The following LDLRAD4 variants were observed in gnomAD, a reference collection of about 807,000 sequenced individuals.
LDLRAD4 encodes low density lipoprotein receptor class A domain containing 4, also known as low-density lipoprotein receptor class A domain-containing protein 4.
A neutral mutation model predicts 17.0 loss-of-function variants in LDLRAD4; 5 were observed. The ratio of observed to expected loss-of-function variants is 0.29; its 90% CI spans 0.15 to 0.62. The LOEUF is 0.62. LDLRAD4 is among the 20% of genes least tolerant of loss of function. The probability of loss-of-function intolerance (pLI) is 0.84; values close to 1 mark genes in which losing one functional copy is unlikely to be tolerated. For synonymous variants in LDLRAD4, 168 were observed against 171.8 expected (o/e 0.98, Z 0.17); for missense variants, 340 against 424.7 (o/e 0.80, Z 1.75).
chr18:13,607,076 G>A (rs558901259), intron 3 of LDLRAD4, among the ~76,000 whole-genome samples: 6 of 152,336 alleles, frequency 3.9e-5, no homozygotes, highest in Admixed American at 2.6e-4. Flanking sequence ...AGTTTCAGTG[G>A]TTGCTACATT....
chr18:13,508,084 A>G (rs1171974919), intron 3 of LDLRAD4, among the ~76,000 whole-genome samples: 1 of 152,188 alleles, frequency 6.6e-6, no homozygotes, highest in Non-Finnish European at 1.5e-5. Context: ...ACATGAAGAA[A>G]GTTTAAGTGG....
intron 3 of LDLRAD4, among the ~76,000 whole-genome samples, chr18:13,494,930 G>A (rs2093436229): frequency 6.6e-6 from 1 of 151,500 alleles, no homozygotes; most frequent in Non-Finnish European, 1.5e-5. Flanking sequence ...AACCGAACGG[G>A]CTCATATTCA....
Position 13,645,004 on chromosome 18 carries a change from T to A in LDLRAD4, c.391-123T>A. Reference sequence around the variant, plus strand: ...GATTTTCCTGTTTTCTTTTTTTTTTTCCTGGGAGATGGTGTTCAAACTGGT... The same window carrying A: ...GATTTTCCTGTTTTCTTTTTTTTTTACCTGGGAGATGGTGTTCAAACTGGT... On this transcript the variant is annotated intron_variant, in intron 5 of 5. Transcript: ENST00000359446. The surrounding 1 kb of genome is among the most constrained non-coding windows in gnomAD (Gnocchi z 5.7). 1 of 730,420 alleles carries A rather than the reference T, an allele frequency of 1.4e-6. No homozygotes were observed. The allele number at this position is 730,420 out of a possible 1,614,324, so 45.2% of individuals were successfully genotyped here. A position where few individuals can be genotyped will look rare whatever the true frequency, so the allele number is the denominator to read the frequency against.
intron 3 of LDLRAD4, among the ~76,000 whole-genome samples, chr18:13,584,488 G>A (rs2094908467): frequency 6.6e-6 from 1 of 152,106 alleles, no homozygotes; most frequent in African/African-American, 2.4e-5. Context: ...CTTCCAGCTT[G>A]TCTGAGAACA....
At chr18:13,404,819 T>C (rs1017661156) in intron 2 of LDLRAD4, among the ~76,000 whole-genome samples, 6 of 151,840 alleles carry the variant, frequency 4.0e-5, no homozygotes, top group African/African-American at 1.5e-4. Context: ...AAAATTATAT[T>C]AAGATGCTTA....
At chr18:13,305,449 G>A (rs1437749665) in intron 1 of LDLRAD4, among the ~76,000 whole-genome samples, 1 of 152,198 alleles carries the variant, frequency 6.6e-6, no homozygotes, top group African/African-American at 2.4e-5. Flanking sequence ...ATCTCCGCAT[G>A]AGCAGTTCTT....
intron 1 of LDLRAD4, among the ~76,000 whole-genome samples, chr18:13,331,278 A>T (rs138626162): frequency 6.0e-4 from 92 of 152,304 alleles, no homozygotes; most frequent in African/African-American, 2.1e-3. Flanking sequence ...AGGACAGTTC[A>T]CCCAGGGGGT....
At position 13,342,265 on chromosome 18, in the gene LDLRAD4, C is replaced by T. The variant is rs575808144; in HGVS notation, c.-382-45076C>T. ...TGGTCTCATACAATAAGTTAGAAAA[C>T]GTTCCTTCCTCTTCAGTTTTTCAGA... On this transcript the variant is annotated intron_variant, in intron 1 of 5. Coordinates refer to ENST00000359446, the Ensembl canonical transcript of LDLRAD4. Among the ~76,000 whole-genome samples the T allele has an allele frequency of 1.7e-3, 259 of 151,984 alleles. 2 individuals carry two copies. The highest frequency in any genetic ancestry group is 5.9e-3 in the African/African-American group (244 of 41,486).
chr18:13,323,150 C>T (rs753624602), intron 1 of LDLRAD4, among the ~76,000 whole-genome samples: 1 of 152,158 alleles, frequency 6.6e-6, no homozygotes, highest in Non-Finnish European at 1.5e-5. Context: ...ACAGAAAAAG[C>T]TTTTGTTTTT....
chr18:13,384,639 C>G (rs1202992149), intron 1 of LDLRAD4, among the ~76,000 whole-genome samples: 1 of 152,158 alleles, frequency 6.6e-6, no homozygotes, highest in Non-Finnish European at 1.5e-5. Flanking sequence ...CTTTCAGATT[C>G]CACCTATAAG....
intron 2 of LDLRAD4, among the ~76,000 whole-genome samples, chr18:13,431,047 G>A (rs572881830): frequency 6.6e-6 from 1 of 152,320 alleles, no homozygotes; most frequent in African/African-American, 2.4e-5. Flanking sequence ...TTAAAATTAT[G>A]AATTTTAATG....
In LDLRAD4 at chr18:13,642,600, C is replaced by G. The variant is rs1047682638; in HGVS notation, c.337-759C>G. 2.4e-6 allele frequency: 3 copies of G among 1,229,632 alleles called. No homozygotes were observed. In the African/African-American group the frequency reaches 4.7e-5, roughly 19 times the overall value. The allele number at this position is 1,229,632 out of a possible 1,614,324, so 76.2% of individuals were successfully genotyped here. ...GAGCCCAGGCTCGGAAAGGGCCGTC[C>G]ACCTGCGAGCGCGGACTTGCGCCTC... On this transcript the variant is annotated intron_variant, in intron 4 of 5. Transcript: ENST00000359446.
At chr18:13,235,232 CAA>C (rs1477750581) in intron 1 of LDLRAD4, 1 of 146,442 alleles carries the variant, frequency 6.8e-6, no homozygotes, top group Non-Finnish European at 1.5e-5. Context: ...GCCTGGGCAA[CAA>C]GAGCAAAACT....
chr18:13,274,782 G>A (rs919800509), upstream of LDLRAD4, among the ~76,000 whole-genome samples: 19 of 152,328 alleles, frequency 1.2e-4, no homozygotes, highest in African/African-American at 4.6e-4. Flanking sequence ...ATGTTGGGTA[G>A]CAGGAACTGT....
rs73417373 is a variant in LDLRAD4, at chr18:13,255,886, G to A, written c.-466-22219G>A. 4.0e-3 allele frequency among the ~76,000 whole-genome samples: 603 copies of A among 152,230 alleles called. 1 individual carries two copies. Among genetic ancestry groups the A allele is most frequent in the African/African-American group, 0.014 (575 of 41,514 alleles). On this transcript the variant is annotated intron_variant, in intron 1 of 5. Transcript: ENST00000399848. ...GGATGAGGATGGCTGGGGAAGGGAT[G>A]GCTTTGATCATTGCTTTTATTGTGA...
chr18:13,326,239 T>G (rs1461762946), intron 1 of LDLRAD4, among the ~76,000 whole-genome samples: 1 of 152,122 alleles, frequency 6.6e-6, no homozygotes, highest in East Asian at 1.9e-4. Flanking sequence ...AGGCTTAGTA[T>G]TTGTATGTTT....
At chr18:13,487,000 T>C (rs905791398) in intron 3 of LDLRAD4, 9 of 152,228 alleles carry the variant, frequency 5.9e-5, no homozygotes, top group Non-Finnish European at 1.2e-4. Flanking sequence ...GGTGGTAGTA[T>C]GATATTGTGG....
chr18:13,640,043 T>A (rs1373252735), intron 4 of LDLRAD4, among the ~76,000 whole-genome samples: 2 of 152,098 alleles, frequency 1.3e-5, no homozygotes, highest in Non-Finnish European at 2.9e-5. Flanking sequence ...TCCCAGCACT[T>A]TGGGAGGCCG....
chr18:13,557,831 C>T (rs758656384), intron 3 of LDLRAD4, among the ~76,000 whole-genome samples: 8 of 152,170 alleles, frequency 5.3e-5, no homozygotes, highest in African/African-American at 1.9e-4. Flanking sequence ...ACCATCATCA[C>T]GTGCATTGAG....
Sources: allele counts gnomAD v4.1 joint callset (sites outside exome capture counted in the v4.1 genomes callset), GRCh38; gene constraint gnomAD v4.1.1; non-coding constraint Gnocchi (gnomAD v3.1); transcripts MANE v1.5; gene names NCBI Gene and HGNC (gene_info 2026-07-23, HGNC 2026-07-21).